Variants in MMP28 observed in about 807,000 individuals in gnomAD.
The protein encoded by MMP28 is matrix metalloproteinase-28.
A neutral mutation model predicts 60.5 loss-of-function variants in MMP28; 55 were observed. The observed-to-expected ratio is 0.91, with a 90% CI of 0.73 to 1.14. The LOEUF (loss-of-function observed/expected upper bound fraction) is 1.14. Ranked by LOEUF, MMP28 falls within the 50% of genes most tolerant of loss-of-function variation. The pLI, the probability that MMP28 is intolerant of heterozygous loss-of-function variation, is 0.00. For synonymous variants in MMP28, 318 were observed against 312.5 expected (o/e 1.02, Z -0.18); for missense variants, 686 against 738.3 (o/e 0.93, Z 0.82).
At chr17:35,785,693 C>T (rs961884328) in intron 1 of MMP28, among the ~76,000 whole-genome samples, 3 of 152,114 alleles carry the variant, frequency 2.0e-5, no homozygotes, top group Non-Finnish European at 2.9e-5. Flanking sequence ...GTGATCCGCC[C>T]ACCTCGGCCT....
chr17:35,783,617 A>G (rs564180080), intron 1 of MMP28, among the ~76,000 whole-genome samples: 1 of 152,260 alleles, frequency 6.6e-6, no homozygotes, highest in South Asian at 2.1e-4. Context: ...CTCTCTCCAC[A>G]AACACACCCA....
intron 2 of MMP28, among the ~76,000 whole-genome samples, chr17:35,758,847 G>A (rs956848915): frequency 6.6e-6 from 1 of 152,140 alleles, no homozygotes; most frequent in African/African-American, 2.4e-5. Context: ...AAGGATGGAT[G>A]GCAAAGGGCT....
chr17:35,786,073 G>A (rs978381870), intron 1 of MMP28, among the ~76,000 whole-genome samples: 1 of 94,016 alleles, frequency 1.1e-5, no homozygotes, highest in African/African-American at 3.9e-5. Context: ...TTTTTTTTTT[G>A]ACACGGAGTT....
At chr17:35,769,244 A>G (rs2086043378) in intron 5 of MMP28, among the ~76,000 whole-genome samples, 1 of 152,206 alleles carries the variant, frequency 6.6e-6, no homozygotes, top group South Asian at 2.1e-4. Flanking sequence ...TTGCATGTCA[A>G]GTGCCTGGCC....
intron 1 of MMP28, among the ~76,000 whole-genome samples, chr17:35,792,966 T>C (rs1366496488): frequency 1.3e-5 from 2 of 152,196 alleles, no homozygotes; most frequent in Non-Finnish European, 2.9e-5. Flanking sequence ...GGTTTACGTA[T>C]GGGTTTGTCT....
At chr17:35,769,003 G>C (rs1390231991) in intron 5 of MMP28, among the ~76,000 whole-genome samples, 1 of 152,164 alleles carries the variant, frequency 6.6e-6, no homozygotes, top group Non-Finnish European at 1.5e-5. Flanking sequence ...GTGTCATGAG[G>C]GCAGAGTCCA....
chr17:35,782,931 A>G (rs891272765), intron 1 of MMP28, among the ~76,000 whole-genome samples: 19 of 152,062 alleles, frequency 1.2e-4, no homozygotes, highest in African/African-American at 4.4e-4. Context: ...GGTTCACGCC[A>G]TTCTCCTGCC....
downstream of MMP28, among the ~76,000 whole-genome samples, chr17:35,763,617 C>T (rs1555601949): frequency 6.6e-6 from 1 of 151,400 alleles, no homozygotes; most frequent in Non-Finnish European, 1.5e-5. Context: ...GTATCCAGGG[C>T]CGGGTGCAGT....
At chr17:35,761,638 T>G (rs2085823111), downstream of MMP28, among the ~76,000 whole-genome samples, 1 of 152,176 alleles carries the variant, frequency 6.6e-6, no homozygotes, top group African/African-American at 2.4e-5. Context: ...GACCTTTGTC[T>G]TCTCCGGCCT....
In MMP28 at chr17:35,766,646, G is replaced by A; in HGVS notation, c.1417C>T (p.Pro473Ser). The A allele has an allele frequency of 1.2e-6, 2 of 1,612,204 alleles. No homozygotes were observed. Among genetic ancestry groups the A allele is most frequent in the Non-Finnish European group, 1.7e-6 (2 of 1,179,400 alleles). The stretch of plus-strand genomic sequence containing the variant: ...CGGAAGAAGATGATGGAGCCATCGG[G>A]CCTCGGCAGGGCGCCGCTGACCTCC... ...PEEVSGALPRPDGSIIFFRDD... is the reference protein window; with the variant it reads ...PEEVSGALPRSDGSIIFFRDD... The change falls in exon 8 of 8, where the codon CCC becomes TCC. Residue 473 changes from proline (P) to serine (S), a missense_variant. Physicochemically the swap from Pro to Ser is moderately conservative, Grantham distance 74. Transcript: ENST00000605424. The surrounding 1 kb of genome is among the most constrained non-coding windows in gnomAD (Gnocchi z 4.3).
intron 3 of MMP28, among the ~76,000 whole-genome samples, chr17:35,774,751 T>G (rs1410791472): frequency 6.6e-6 from 1 of 152,082 alleles, no homozygotes; most frequent in Admixed American, 6.5e-5. Flanking sequence ...TCCCAGCCAG[T>G]GACCAACCCT....
chr17:35,769,644 C>G (rs774545200), intron 5 of MMP28, among the ~76,000 whole-genome samples: 62 of 151,130 alleles, frequency 4.1e-4, no homozygotes, highest in African/African-American at 1.4e-3. Context: ...GAGAAAGGCT[C>G]GGGGAGAGCT....
intron 1 of MMP28, among the ~76,000 whole-genome samples, chr17:35,782,172 C>G (rs527967518): frequency 6.6e-6 from 1 of 152,078 alleles, no homozygotes; most frequent in East Asian, 1.9e-4. Flanking sequence ...CTGCCTCAGC[C>G]TCCCGAGTAA....
intron 7 of MMP28, 150 bp downstream of exon 7, chr17:35,767,602 G>T: frequency 1.1e-6 from 1 of 936,778 alleles, no homozygotes; most frequent in Non-Finnish European, 1.6e-6. Flanking sequence ...TTCTGATAGA[G>T]TCTTCCCTGG....
intron 5 of MMP28, among the ~76,000 whole-genome samples, chr17:35,768,935 C>A (rs574919635): frequency 6.6e-6 from 1 of 152,212 alleles, no homozygotes; most frequent in Non-Finnish European, 1.5e-5. Context: ...AGTGGGGTAT[C>A]AAGCAAGGGA....
downstream of MMP28, chr17:35,761,059 C>A: frequency 7.9e-7 from 1 of 1,266,120 alleles, no homozygotes; most frequent in Non-Finnish European, 1.1e-6. Context: ...CTCAGTTACC[C>A]ATCCATGTAG....
At position 35,795,303 on chromosome 17, in the gene MMP28, C is replaced by T; in HGVS notation, c.75G>A (p.Ala25=). The T allele has an allele frequency of 6.8e-7, 1 of 1,464,906 alleles. No homozygotes were observed. The highest frequency in any genetic ancestry group is 1.3e-5 in the South Asian group (1 of 74,550). 90.7% of individuals were successfully genotyped at this position (1,464,906 alleles called of 1,614,324 possible). The change falls in exon 1 of 8, where the codon GCG becomes GCA. Residue 25 remains alanine (A), a synonymous_variant. Transcript: ENST00000605424. ...TGCGCAGCTCCTGGCCTCCGCGCTC[C>T]GCGGGCTGGGCGTCCAGGTGGCCCC... The part of the protein sequence containing the change: ...LLWGHLDAQP[A]ERGGQELRKE...
chr17:35,758,343 C>T (rs189673322), intron 2 of MMP28: 1 of 152,282 alleles, frequency 6.6e-6, no homozygotes, highest in East Asian at 1.9e-4. Context: ...AGTGGGATTA[C>T]CTGCTTGCTC....
At chr17:35,775,230 G>C (rs146580930) in intron 3 of MMP28, among the ~76,000 whole-genome samples, 5 of 152,312 alleles carry the variant, frequency 3.3e-5, no homozygotes, top group African/African-American at 4.8e-5. Flanking sequence ...AGGGGAGGGG[G>C]TGTCGCTGGT....
Sources: gnomAD v4.1 joint callset for allele counts (sites outside exome capture counted in the v4.1 genomes callset) on GRCh38, gnomAD v4.1.1 for gene constraint, Gnocchi (gnomAD v3.1) non-coding constraint, MANE v1.5 for transcripts, NCBI Gene and HGNC (gene_info 2026-07-23, HGNC 2026-07-21) for gene names.